Variants in SKOR2 observed in about 807,000 individuals in gnomAD.
SKOR2 encodes the protein SKI family transcriptional corepressor 2, also known as LBX1 corepressor 1-like protein.
In SKOR2, 47 loss-of-function variants were observed where a neutral mutation model predicts 69.1. The observed-to-expected ratio is 0.68, with a 90% CI of 0.54 to 0.87. The LOEUF (loss-of-function observed/expected upper bound fraction) is 0.87. Ranked by LOEUF, SKOR2 falls within the 40% of genes least tolerant of loss-of-function variation. SKOR2 has a pLI of 0.00. For synonymous variants in SKOR2, 717 were observed against 672.6 expected (o/e 1.07, Z -1.02); for missense variants, 1,404 against 1,472.2 (o/e 0.95, Z 0.76).
chr18:47,247,487 C>T lies in SKOR2; in HGVS notation c.1697G>A (p.Gly566Asp). Residue 566 changes from glycine (G) to aspartate (D), a missense_variant, in exon 2 of 9, where the codon GGC (glycine) becomes GAC (aspartate). Coordinates refer to ENST00000425639, the MANE Select transcript of SKOR2 (RefSeq NM_001278063.4). The surrounding 1 kb of genome is among the most constrained non-coding windows in gnomAD (Gnocchi z 6.6). ...CGTGGAGCCCGCGCTGCAGTCCCCG[C>T]CGCTGCCGCCCGGGGGCGACTCGAA... is the stretch of plus-strand genomic sequence containing the variant. ...ALFESPPGGSGGDCSAGSTPP... is the reference protein window; with the variant it reads ...ALFESPPGGSDGDCSAGSTPP... 4 of 1,210,188 alleles carry T rather than the reference C, an allele frequency of 3.3e-6. No individual in the cohort carries two copies. Among genetic ancestry groups the T allele is most frequent in the East Asian group, 3.4e-5 (1 of 29,182 alleles). The allele number at this position is 1,210,188 out of a possible 1,614,324, so 75.0% of individuals were successfully genotyped here.
intron 6 of SKOR2, among the ~76,000 whole-genome samples, chr18:47,226,714 T>C (rs927570280): frequency 6.6e-6 from 1 of 152,168 alleles, no homozygotes; most frequent in Non-Finnish European, 1.5e-5. Context: ...GCATCAAACT[T>C]TAAAACAGTA....
At chr18:47,207,574 A>G (rs2144469848) in intron 8 of SKOR2, among the ~76,000 whole-genome samples, 1 of 152,282 alleles carries the variant, frequency 6.6e-6, no homozygotes, top group South Asian at 2.1e-4. Context: ...TAATCGACAT[A>G]AAGTCCTTAG....
chr18:47,225,003 A>G (rs938134), intron 6 of SKOR2, among the ~76,000 whole-genome samples: 99,378 of 151,858 alleles, frequency 0.65, 33,411 homozygotes, highest in African/African-American at 0.83. Context: ...CTGCCCTGCC[A>G]CCCCGACCCT....
chr18:47,231,146 T>C, intron 4 of SKOR2, 146 bp from the exon 5 acceptor site: 4 of 1,535,922 alleles, frequency 2.6e-6, no homozygotes, highest in Non-Finnish European at 3.5e-6. Flanking sequence ...TTGTCCTCAT[T>C]TATTCGCATA....
intron 4 of SKOR2, among the ~76,000 whole-genome samples, chr18:47,243,187 A>G (rs2064256566): frequency 6.6e-6 from 1 of 152,202 alleles, no homozygotes; most frequent in Admixed American, 6.5e-5. Flanking sequence ...AGACAGACCT[A>G]GCAAAGGTCT....
rs1034557141 is a variant in SKOR2 at position 47,247,656 on chromosome 18, A to G, written c.1528T>C (p.Phe510Leu). The G allele has an allele frequency of 1.5e-6, 2 of 1,363,424 alleles. No homozygotes were observed. Among genetic ancestry groups the G allele is most frequent in the Non-Finnish European group, 1.9e-6 (2 of 1,061,878 alleles). The allele number at this position is 1,363,424 out of a possible 1,614,324, so 84.5% of individuals were successfully genotyped here. A position where few individuals can be genotyped will look rare whatever the true frequency, so the allele number is the denominator to read the frequency against. Reference protein sequence around the residue: ...GESPALLRQAFLDLAEPGGAA... With the variant: ...GESPALLRQALLDLAEPGGAA... ...CCGCCTGGCTCAGCCAGGTCCAGGA[A>G]GGCCTGGCGCAGCAGGGCCGGGCTT... Residue 510 changes from phenylalanine (F) to leucine (L), a missense_variant, in exon 2 of 9, where the codon TTC becomes CTC. Physicochemically the swap from Phe to Leu is conservative, Grantham distance 22 (BLOSUM62 0). Transcript: ENST00000425639. This position sits in a 1 kb window ranked among gnomAD's most constrained non-coding sequence, Gnocchi z 6.6.
intron 4 of SKOR2, among the ~76,000 whole-genome samples, chr18:47,243,310 C>G (rs1340735780): frequency 6.6e-6 from 1 of 152,136 alleles, no homozygotes; most frequent in Non-Finnish European, 1.5e-5. Flanking sequence ...ACTTTTAAAT[C>G]TATTTTTAGA....
intron 8 of SKOR2, among the ~76,000 whole-genome samples, chr18:47,210,211 G>A (rs1028063655): frequency 6.6e-6 from 1 of 152,178 alleles, no homozygotes; most frequent in Admixed American, 6.6e-5. Flanking sequence ...TTTTACCATC[G>A]TTGGGGGTAG....
At chr18:47,234,886 G>C (rs537024426) in intron 4 of SKOR2, among the ~76,000 whole-genome samples, 25 of 141,348 alleles carry the variant, frequency 1.8e-4, no homozygotes, top group Admixed American at 1.5e-3. Context: ...GAGAGGGGGT[G>C]GGGGGAAGCA....
intron 4 of SKOR2, among the ~76,000 whole-genome samples, chr18:47,236,009 A>C (rs2064221887): frequency 6.6e-6 from 1 of 151,938 alleles, no homozygotes; most frequent in Admixed American, 6.6e-5. Context: ...TTTTGAGACA[A>C]GTTCTCGCTC....
At chr18:47,232,040 A>G (rs1253468477) in intron 4 of SKOR2, among the ~76,000 whole-genome samples, 1 of 151,138 alleles carries the variant, frequency 6.6e-6, no homozygotes, top group Non-Finnish European at 1.5e-5. Flanking sequence ...CTTGGAGGCT[A>G]AGGTGGGAGG....
In SKOR2 at chr18:47,246,561, G is replaced by A. The variant is rs759476903; in HGVS notation, c.2613+10C>T. 4.6e-6 allele frequency: 7 copies of A among 1,511,420 alleles called. No individual in the cohort carries two copies. Among genetic ancestry groups the A allele is most frequent in the East Asian group, 2.6e-5 (1 of 37,986 alleles). The allele number at this position is 1,511,420 out of a possible 1,614,324, so 93.6% of individuals were successfully genotyped here. A position where few individuals can be genotyped will look rare whatever the true frequency, so the allele number is the denominator to read the frequency against. On this transcript the variant is annotated intron_variant, in intron 2 of 8. Coordinates refer to ENST00000425639, the MANE Select transcript of SKOR2 (RefSeq NM_001278063.4). ...TAATTAGCTTGAAGGAGCCTAAAGG[G>A]GATATTTACATCTTTGTAGGAGGGC...
chr18:47,211,096 A>G (rs989193117), intron 8 of SKOR2, among the ~76,000 whole-genome samples: 2 of 152,220 alleles, frequency 1.3e-5, no homozygotes, highest in African/African-American at 4.8e-5. Flanking sequence ...TGTACCTGAT[A>G]GAGGAAATTT....
At position 47,248,743 on chromosome 18, in the gene SKOR2, C is replaced by A; in HGVS notation, c.441G>T (p.Val147=). 6.4e-7 allele frequency: 1 copy of A among 1,552,424 alleles called. No individual in the cohort carries two copies. Among genetic ancestry groups the A allele is most frequent in the Non-Finnish European group, 8.7e-7 (1 of 1,155,498 alleles). ...PKLPDNFAFD[V]SHECAWGCRG... ...GGCAGCCCCAGGCGCACTCGTGTGA[C>A]ACGTCGAAGGCGAAATTGTCTGGCA... The change falls in exon 2 of 9, where the codon GTG becomes GTT. Residue 147 remains valine (V), a synonymous_variant. Transcript: ENST00000425639. This position sits in a 1 kb window ranked among gnomAD's most constrained non-coding sequence, Gnocchi z 6.4.
chr18:47,230,426 C>T, intron 6 of SKOR2, 33 bp downstream of exon 6: 1 of 1,239,570 alleles, frequency 8.1e-7, no homozygotes, highest in Non-Finnish European at 1.1e-6. Context: ...AATCAATTAT[C>T]ATAAATACAA....
In SKOR2 at chr18:47,227,326, A is replaced by ATTTTTT. The variant is rs778462203; in HGVS notation, c.2917+3127_2917+3132dup. ...CCCTTGGAACCACGACAAGAAGCCAATTTTTTTTTTTTTTTTTTTTTTTTT... is the reference window on the plus strand; with the variant it reads ...CCCTTGGAACCACGACAAGAAGCCAATTTTTTTTTTTTTTTTTTTTTTTTTTTTTTT... On this transcript the variant is annotated intron_variant, in intron 6 of 8. Transcript: ENST00000425639. Among the ~76,000 whole-genome samples the ATTTTTT allele has an allele frequency of 5.0e-4, 46 of 91,128 alleles. 2 individuals carry two copies. The highest frequency in any genetic ancestry group is 2.3e-3 in the African/African-American group (42 of 18,542). 59.8% of individuals were successfully genotyped at this position (91,128 alleles called of 152,430 possible).
chr18:47,240,021 A>G (rs546560600), intron 4 of SKOR2, among the ~76,000 whole-genome samples: 1 of 152,336 alleles, frequency 6.6e-6, no homozygotes, highest in South Asian at 2.1e-4. Flanking sequence ...GAATGGAATA[A>G]TGAATCAGAG....
In SKOR2 at chr18:47,230,519, G is replaced by T; in HGVS notation, c.2857C>A (p.Arg953=). The change falls in exon 6 of 9, where the codon CGG becomes AGG. Residue 953 remains arginine, a synonymous_variant. Transcript: ENST00000425639. ...TGGAATTCTTGTTCCAGTCGTCTCC[G>T]TAAATCTATTTGTTCAAATAAAACC... ...QKVLFEQIDL[R]RRLEQEFQVL... 6.9e-7 allele frequency: 1 copy of T among 1,439,816 alleles called. No homozygotes were observed. Among genetic ancestry groups the T allele is most frequent in the South Asian group, 1.6e-5 (1 of 64,046 alleles). 89.2% of individuals were successfully genotyped at this position (1,439,816 alleles called of 1,614,324 possible).
Position 47,244,989 on chromosome 18 carries a change from C to T in SKOR2, c.2678-7G>A. 6.5e-7 allele frequency: 1 copy of T among 1,532,600 alleles called. No homozygotes were observed. Among genetic ancestry groups the T allele is most frequent in the Non-Finnish European group, 8.7e-7 (1 of 1,145,406 alleles). The allele number at this position is 1,532,600 out of a possible 1,614,324, so 94.9% of individuals were successfully genotyped here. On this transcript the variant is annotated splice_region_variant and splice_polypyrimidine_tract_variant and intron_variant, in intron 3 of 8. Transcript: ENST00000425639. ...CTATGCTCCTTGTTCTTATCTAGAA[C>T]CAAAACAAAACACAAAATCTGCAAG...
Sources: gnomAD v4.1 joint callset for allele counts (sites outside exome capture counted in the v4.1 genomes callset) on GRCh38, gnomAD v4.1.1 for gene constraint, Gnocchi (gnomAD v3.1) non-coding constraint, MANE v1.5 for transcripts, NCBI Gene and HGNC (gene_info 2026-07-23, HGNC 2026-07-21) for gene names.